Variants in SRGAP2 observed in about 807,000 individuals in gnomAD.
SRGAP2 encodes SLIT-ROBO Rho GTPase-activating protein 2.
A neutral mutation model predicts 57.2 loss-of-function variants in SRGAP2; 15 were observed. That is an observed-to-expected ratio of 0.26 (90% CI 0.18 to 0.40). The LOEUF is 0.40. Among genes scored for constraint, SRGAP2 ranks in the 10% least tolerant of loss-of-function variants. The probability of loss-of-function intolerance (pLI) is 1.00; values close to 1 mark genes in which losing one functional copy is unlikely to be tolerated. For missense variants in SRGAP2, 520 were observed against 669.6 expected, an observed-to-expected ratio of 0.78 and a Z score of 2.47; for synonymous variants, 249 against 248.0, an observed-to-expected ratio of 1.00 and a Z score of -0.04.
intron 2 of SRGAP2, among the ~76,000 whole-genome samples, chr1:206,301,352 G>A (rs1326303539): frequency 2.9e-3 from 435 of 151,958 alleles, no homozygotes; most frequent in African/African-American, 9.9e-3. Flanking sequence ...CTTACTGAAC[G>A]GATGGAATTT....
chr1:206,333,381 C>T, intron 3 of SRGAP2: 4 of 1,404,728 alleles, frequency 2.8e-6, no homozygotes, highest in South Asian at 1.2e-5. Flanking sequence ...AAACTATCCT[C>T]AGTCTTGTCA....
At chr1:206,322,706 AG>A (rs1160325256) in intron 3 of SRGAP2, among the ~76,000 whole-genome samples, 11 of 146,572 alleles carry the variant, frequency 7.5e-5, no homozygotes, top group Non-Finnish European at 1.2e-4. Context: ...AATGTTCAAA[AG>A]TTAGCTGACT....
At chr1:206,419,448 G>T in intron 12 of SRGAP2, 48 bp downstream of exon 12, 1 of 780,356 alleles carries the variant, frequency 1.3e-6, no homozygotes, top group Non-Finnish European at 2.4e-6. Flanking sequence ...GGCTTGGTGG[G>T]TAGAGCAATC....
chr1:206,413,927 CAA>C (rs1249236651), intron 10 of SRGAP2, among the ~76,000 whole-genome samples: 6 of 151,858 alleles, frequency 4.0e-5, no homozygotes, highest in South Asian at 4.1e-4. Flanking sequence ...TGTTTTTAAA[CAA>C]GAGAGAGAAT....
chr1:206,240,001 C>G (rs1315420741), intron 2 of SRGAP2, among the ~76,000 whole-genome samples: 1 of 151,676 alleles, frequency 6.6e-6, no homozygotes, highest in Admixed American at 6.6e-5. Context: ...CACGGTGGCT[C>G]ACGCCTGTAA....
intron 18 of SRGAP2, among the ~76,000 whole-genome samples, chr1:206,448,092 G>T (rs1373918203): frequency 1.3e-5 from 2 of 152,226 alleles, no homozygotes; most frequent in African/African-American, 4.8e-5. Context: ...CACCTGGAAG[G>T]CTCATGGCCT....
intron 3 of SRGAP2, chr1:206,333,480 G>A (rs1414744400): frequency 1.3e-6 from 2 of 1,497,086 alleles, no homozygotes; most frequent in African/African-American, 1.4e-5. Context: ...CGAGGCGAAG[G>A]TCTCTGGTGC....
chr1:206,418,176 T>G (rs1314253493), intron 11 of SRGAP2, among the ~76,000 whole-genome samples: 1 of 152,188 alleles, frequency 6.6e-6, no homozygotes, highest in African/African-American at 2.4e-5. Flanking sequence ...TTTGTCACCA[T>G]GATGCAGGAG....
intron 2 of SRGAP2, among the ~76,000 whole-genome samples, chr1:206,291,711 G>A (rs1384182072): frequency 1.3e-5 from 2 of 149,738 alleles, no homozygotes; most frequent in Admixed American, 1.3e-4. Context: ...GTGATTACTA[G>A]TAAATATATA....
intron 10 of SRGAP2, among the ~76,000 whole-genome samples, chr1:206,411,717 T>C (rs1348983700): frequency 3.9e-5 from 6 of 152,218 alleles, no homozygotes; most frequent in African/African-American, 1.2e-4. Flanking sequence ...TCCAGTGAGT[T>C]TTATACCCCC....
chr1:206,260,486 T>G (rs1350278921), intron 2 of SRGAP2, among the ~76,000 whole-genome samples: 2 of 152,088 alleles, frequency 1.3e-5, no homozygotes, highest in African/African-American at 2.4e-5. Context: ...CTCTTAATAG[T>G]TCCTTATATA....
chr1:206,363,006 G>A (rs1553340900), intron 4 of SRGAP2, among the ~76,000 whole-genome samples: 1 of 148,704 alleles, frequency 6.7e-6, no homozygotes, highest in African/African-American at 2.5e-5. Flanking sequence ...GAAATATGAG[G>A]TGAGGTTTGC....
chr1:206,360,642 T>TA (rs1553340441), intron 4 of SRGAP2, among the ~76,000 whole-genome samples: 2 of 152,182 alleles, frequency 1.3e-5, no homozygotes, highest in African/African-American at 4.8e-5. Context: ...GCTTGATTGA[T>TA]ATGGTGTATG....
In SRGAP2 at chr1:206,255,054, A is replaced by G. The variant is rs139517908; in HGVS notation, c.68-48227A>G. ...ACTCATGCTTAATACTCCAGTAAGC[A>G]AGGTTCCACCTGGGCTCAGGTTAAC... On this transcript the variant is annotated intron_variant, in intron 2 of 22. Transcript: ENST00000573034. 4.9e-3 allele frequency among the ~76,000 whole-genome samples: 738 copies of G among 151,344 alleles called. 3 individuals carry two copies. The highest frequency in any genetic ancestry group is 7.7e-3 in the Non-Finnish European group (524 of 67,906).
At chr1:206,310,379 G>A (rs1270052407) in intron 3 of SRGAP2, among the ~76,000 whole-genome samples, 2 of 151,778 alleles carry the variant, frequency 1.3e-5, no homozygotes, top group Non-Finnish European at 2.9e-5. Flanking sequence ...TTTTATGTGG[G>A]GTAGGTAGGT....
intron 15 of SRGAP2, among the ~76,000 whole-genome samples, chr1:206,437,440 G>A (rs781951924): frequency 2.6e-5 from 4 of 152,226 alleles, no homozygotes; most frequent in Non-Finnish European, 5.9e-5. Flanking sequence ...GGCAATTTCC[G>A]TCACTGTAAT....
At chr1:206,372,949 TTCTTTCTTTTCTTTCC>T (rs1654719586) in intron 4 of SRGAP2, among the ~76,000 whole-genome samples, 1 of 8,632 alleles carries the variant, frequency 1.2e-4, no homozygotes, top group African/African-American at 1.4e-3. Context: ...CTTTCTTTCT[TTCTTTCTTTTCTTTCC>T]TTTCTTTCTT....
chr1:206,368,165 GC>G (rs1161963272), intron 4 of SRGAP2, among the ~76,000 whole-genome samples: 3 of 120,272 alleles, frequency 2.5e-5, no homozygotes, highest in Admixed American at 1.7e-4. Context: ...CCCATATAGA[GC>G]TTTTATACGT....
chr1:206,355,826 G>A (rs1279421570), intron 4 of SRGAP2, among the ~76,000 whole-genome samples: 5 of 152,090 alleles, frequency 3.3e-5, no homozygotes, highest in East Asian at 1.9e-4. Flanking sequence ...AATTAGCCAG[G>A]CATCGTGGTG....
Sources: allele counts gnomAD v4.1 joint callset (sites outside exome capture counted in the v4.1 genomes callset), GRCh38; gene constraint gnomAD v4.1.1; transcripts MANE v1.5; gene names NCBI Gene and HGNC (gene_info 2026-07-23, HGNC 2026-07-21).